The following ABCA13 variants were observed in gnomAD, a reference collection of about 807,000 sequenced individuals.
ABCA13 encodes the protein ATP-binding cassette sub-family A member 13.
In ABCA13, 476 loss-of-function variants were observed where a neutral mutation model predicts 478.7. The observed-to-expected ratio is 0.99, with a 90% CI of 0.92 to 1.07. The LOEUF (loss-of-function observed/expected upper bound fraction) is 1.07, where lower values mean the gene tolerates loss of function less well. Among genes scored for constraint, ABCA13 ranks in the 50% least tolerant of loss-of-function variants. The probability of loss-of-function intolerance (pLI) is 0.00; values close to 1 mark genes in which losing one functional copy is unlikely to be tolerated. For missense variants in ABCA13, 6,060 were observed against 5,910.6 expected (o/e 1.03, Z -0.83); for synonymous variants, 2,252 against 2,158.9 (o/e 1.04, Z -1.20).
intron 19 of ABCA13, among the ~76,000 whole-genome samples, chr7:48,286,435 G>A (rs1797751691): frequency 6.6e-6 from 1 of 152,012 alleles, no homozygotes; most frequent in African/African-American, 2.4e-5. Flanking sequence ...ACAATATGTA[G>A]CCTTTTCAGA....
chr7:48,294,592 G>A lies in ABCA13; in HGVS notation c.8956-1108G>A, dbSNP rs570924861. 9.2e-5 allele frequency among the ~76,000 whole-genome samples: 14 copies of A among 151,370 alleles called. No individual in the cohort carries two copies. The East Asian group carries it at 2.1e-3, about 23-fold the overall frequency. ...CTCCCGAGTAGCTGGGACTACAGGC[G>A]CCCGCCACCGCGCCCGGCTAATTTT... is the stretch of plus-strand genomic sequence containing the variant. On this transcript the variant is annotated intron_variant, in intron 20 of 61. Coordinates refer to ENST00000435803, the MANE Select transcript of ABCA13 (RefSeq NM_152701.5).
intron 3 of ABCA13, among the ~76,000 whole-genome samples, chr7:48,203,255 C>G (rs1396155012): frequency 6.6e-6 from 1 of 152,152 alleles, no homozygotes; most frequent in Non-Finnish European, 1.5e-5. Flanking sequence ...CCAGCTGGCC[C>G]GCAAGCGCCG....
chr7:48,408,230 C>G (rs1171669122), intron 39 of ABCA13, among the ~76,000 whole-genome samples: 2 of 152,204 alleles, frequency 1.3e-5, no homozygotes, highest in Admixed American at 1.3e-4. Context: ...CTCCCTCCTT[C>G]TCCTCCCTCC....
chr7:48,439,296 C>G (rs1823266271), intron 42 of ABCA13, among the ~76,000 whole-genome samples: 1 of 152,098 alleles, frequency 6.6e-6, no homozygotes, highest in Non-Finnish European at 1.5e-5. Context: ...CATTTTTTGG[C>G]TGGCTGTCAG....
chr7:48,626,746 G>A (rs1376427375), intron 59 of ABCA13: 28 of 985,490 alleles, frequency 2.8e-5, no homozygotes, highest in Non-Finnish European at 2.8e-5. Context: ...CTTTGGGTTT[G>A]GGACATGGAA....
chr7:48,319,093 AAAGCACTTGG>A (rs1272309094), intron 27 of ABCA13, among the ~76,000 whole-genome samples: 1 of 152,166 alleles, frequency 6.6e-6, no homozygotes, highest in African/African-American at 2.4e-5. Flanking sequence ...AAGATTGGGC[AAAGCACTTGG>A]AAGGATGGGT....
intron 42 of ABCA13, among the ~76,000 whole-genome samples, chr7:48,439,638 A>T (rs1823313816): frequency 6.6e-6 from 1 of 152,186 alleles, no homozygotes; most frequent in Non-Finnish European, 1.5e-5. Flanking sequence ...ATACTATATA[A>T]TTCCTTTTAC....
chr7:48,619,672 G>A (rs911639247), intron 59 of ABCA13, among the ~76,000 whole-genome samples: 4 of 152,108 alleles, frequency 2.6e-5, no homozygotes, highest in Admixed American at 2.6e-4. Context: ...AGAGTGTTCC[G>A]TGAAAGTGTC....
rs1562761255 is a variant in ABCA13 at position 48,200,116 on chromosome 7, G to A, written c.287+1756G>A. Among the ~76,000 whole-genome samples the A allele has an allele frequency of 2.0e-5, 3 of 152,214 alleles. No individual in the cohort carries two copies. In the South Asian group the frequency reaches 6.2e-4, roughly 31 times the overall value. ...ACGGTGGCTCACACCTGTAATTCCAGCACTTTGGGAGGCCGAGGCGGGCAG... is the reference window on the plus strand; with the variant it reads ...ACGGTGGCTCACACCTGTAATTCCAACACTTTGGGAGGCCGAGGCGGGCAG... On this transcript the variant is annotated intron_variant, in intron 3 of 61. Transcript: ENST00000435803.
chr7:48,278,940 C>A lies in ABCA13; in HGVS notation c.7746C>A (p.Phe2582Leu), dbSNP rs1427464255. 1 of 1,613,408 alleles carries A rather than the reference C, an allele frequency of 6.2e-7. No individual in the cohort carries two copies. The highest frequency in any genetic ancestry group is 1.7e-5 in the Admixed American group (1 of 59,998). ...CTACTTTAAAAAAAATAGATCATTT[C>A]ACATTTGAAAAGATAAATGATTTGT... The part of the protein sequence containing the change: ...EIATLKKIDH[F>L]TFEKINDLLV... Residue 2582 changes from phenylalanine to leucine, a missense_variant, in exon 18 of 62, where the codon TTC becomes TTA. This residue lies in a region of ABCA13 where 4,423 missense variants were observed against 4,309.1 expected (regional missense o/e 1.03). Coordinates refer to ENST00000435803, the MANE Select transcript of ABCA13 (RefSeq NM_152701.5).
intron 55 of ABCA13, among the ~76,000 whole-genome samples, chr7:48,553,910 C>T (rs1391603757): frequency 4.6e-5 from 7 of 151,708 alleles, no homozygotes; most frequent in Admixed American, 4.6e-4. Flanking sequence ...GGAGAGTTTT[C>T]CAAAGTAATA....
At chr7:48,565,464 A>G (rs150104130) in intron 55 of ABCA13, among the ~76,000 whole-genome samples, 1 of 152,218 alleles carries the variant, frequency 6.6e-6, no homozygotes, top group East Asian at 1.9e-4. Context: ...ATGTTTAAAT[A>G]CCAATCTGAA....
At chr7:48,537,531 G>A (rs1002713918) in intron 55 of ABCA13, among the ~76,000 whole-genome samples, 7 of 152,264 alleles carry the variant, frequency 4.6e-5, no homozygotes, top group Admixed American at 2.6e-4. Context: ...TATCCCTGAC[G>A]CAGGTAGCCC....
chr7:48,232,207 A>G (rs907232983), intron 7 of ABCA13, among the ~76,000 whole-genome samples: 4 of 122,840 alleles, frequency 3.3e-5, no homozygotes, highest in Non-Finnish European at 6.4e-5. Context: ...GTTTAACTCC[A>G]TTTTCAGGTT....
In ABCA13 at chr7:48,372,466, A is replaced by T. The variant is rs759344761; in HGVS notation, c.11102A>T (p.Asn3701Ile). ...TACATAGTTCTATTGGTTCTACATA[A>T]CCAATTAAGTTTTGTTAATCAGACA... ...LPYIVLLVLH[N>I]QLSFVNQTFL... Residue 3701 changes from asparagine (N) to isoleucine (I), a missense_variant, in exon 33 of 62, where the codon AAC (asparagine) becomes ATC (isoleucine). Asn to Ile is a moderately radical substitution (Grantham distance 149, BLOSUM62 -3). This residue lies in a region of ABCA13 where 4,423 missense variants were observed against 4,309.1 expected (regional missense o/e 1.03). Transcript: ENST00000435803. 19 of 1,589,942 alleles carry T rather than the reference A, an allele frequency of 1.2e-5. No individual in the cohort carries two copies. The highest frequency in any genetic ancestry group is 1.5e-5 in the Non-Finnish European group (18 of 1,165,352).
chr7:48,318,714 A>G (rs1422499611), intron 27 of ABCA13, among the ~76,000 whole-genome samples: 1 of 152,042 alleles, frequency 6.6e-6, no homozygotes, highest in Non-Finnish European at 1.5e-5. Flanking sequence ...CCTCTGCGCC[A>G]TTACTCGAAT....
Position 48,293,196 on chromosome 7 carries a change from C to CCCCCG in ABCA13, c.8956-2500_8956-2499insGCCCC. Among the ~76,000 whole-genome samples the CCCCCG allele has an allele frequency of 2.3e-5, 3 of 131,858 alleles. 1 individual carries two copies. The South Asian group carries it at 9.1e-4, about 40-fold the overall frequency. 86.5% of individuals were successfully genotyped at this position (131,858 alleles called of 152,430 possible). Reference sequence around the variant, plus strand: ...TCATTTCCTGAGAAGTCTTCAGCCCCCCCCCCGCCACACACACACTAAATC... The same window carrying CCCCCG: ...TCATTTCCTGAGAAGTCTTCAGCCCCCCCCGCCCCCCGCCACACACACACTAAATC... On this transcript the variant is annotated intron_variant, in intron 20 of 61. Coordinates refer to ENST00000435803, the MANE Select transcript of ABCA13 (RefSeq NM_152701.5).
chr7:48,303,267 A>C (rs1403412180), intron 23 of ABCA13, among the ~76,000 whole-genome samples: 1 of 148,874 alleles, frequency 6.7e-6, no homozygotes, highest in Non-Finnish European at 1.5e-5. Context: ...ATTTTGCAAA[A>C]CCTCCCGTTC....
At chr7:48,291,333 A>G (rs79468077) in intron 20 of ABCA13, among the ~76,000 whole-genome samples, 2,992 of 152,160 alleles carry the variant, frequency 0.02, 102 homozygotes, top group African/African-American at 0.068. Context: ...TCCTTGTCAG[A>G]CCCCTTCAGG....
Sources: allele counts gnomAD v4.1 joint callset (sites outside exome capture counted in the v4.1 genomes callset), GRCh38; gene constraint gnomAD v4.1.1; regional missense constraint gnomAD v4.1.1; transcripts MANE v1.5; gene names NCBI Gene and HGNC (gene_info 2026-07-23, HGNC 2026-07-21).